DOCK4: variants seen among roughly 807,000 people sequenced by gnomAD.
DOCK4 encodes dedicator of cytokinesis protein 4.
A neutral mutation model predicts 268.1 loss-of-function variants in DOCK4; 97 were observed. That is an observed-to-expected ratio of 0.36 (90% CI 0.31 to 0.43). The LOEUF (loss-of-function observed/expected upper bound fraction) is 0.43. DOCK4 is among the 20% of genes least tolerant of loss of function. The pLI, the probability that DOCK4 is intolerant of heterozygous loss-of-function variation, is 1.00. For synonymous variants in DOCK4, 954 were observed against 887.2 expected (o/e 1.08, Z -1.34); for missense variants, 2,145 against 2,455.7 (o/e 0.87, Z 2.67).
At chr7:112,018,698 C>T (rs1241299972) in intron 1 of DOCK4, among the ~76,000 whole-genome samples, 2 of 150,710 alleles carry the variant, frequency 1.3e-5, no homozygotes, top group East Asian at 1.9e-4. Flanking sequence ...CCCTCCCCCA[C>T]CCCACCCATT....
At chr7:112,081,081 C>T (rs911512323) in intron 1 of DOCK4, among the ~76,000 whole-genome samples, 1 of 151,874 alleles carries the variant, frequency 6.6e-6, no homozygotes, top group Non-Finnish European at 1.5e-5. Context: ...TCTGAGAAGA[C>T]AAGAAGGATG....
chr7:111,806,880 A>G (rs1800714592), intron 30 of DOCK4, among the ~76,000 whole-genome samples: 1 of 152,220 alleles, frequency 6.6e-6, no homozygotes, highest in African/African-American at 2.4e-5. Context: ...CTCTGAGAAA[A>G]ACAGAGAAGC....
intron 1 of DOCK4, among the ~76,000 whole-genome samples, chr7:112,166,727 T>C (rs375117097): frequency 3.1e-4 from 47 of 152,344 alleles, no homozygotes; most frequent in African/African-American, 1.1e-3. Flanking sequence ...TTTTACTTGA[T>C]AATGGTGGCA....
At chr7:112,130,632 G>T (rs1351793323) in intron 1 of DOCK4, among the ~76,000 whole-genome samples, 1 of 152,154 alleles carries the variant, frequency 6.6e-6, no homozygotes, top group Admixed American at 6.5e-5. Context: ...TCAAGAGCAG[G>T]TTGAATCAGA....
chr7:112,089,109 C>G (rs1809386550), intron 1 of DOCK4, among the ~76,000 whole-genome samples: 1 of 151,866 alleles, frequency 6.6e-6, no homozygotes, highest in Admixed American at 6.6e-5. Context: ...ATTAATTTTG[C>G]CTATTTTTCC....
chr7:112,199,109 T>C (rs1322817808), intron 1 of DOCK4, among the ~76,000 whole-genome samples: 1 of 152,166 alleles, frequency 6.6e-6, no homozygotes, highest in East Asian at 1.9e-4. Context: ...AAGAGAACAG[T>C]TTCTATGCAA....
intron 1 of DOCK4, among the ~76,000 whole-genome samples, chr7:112,072,028 T>G (rs1201472218): frequency 1.3e-5 from 2 of 152,228 alleles, no homozygotes; most frequent in Non-Finnish European, 2.9e-5. Flanking sequence ...CAAACCAATG[T>G]GAAAATTATT....
At chr7:111,908,564 G>T (rs1791810795) in intron 13 of DOCK4, among the ~76,000 whole-genome samples, 1 of 151,554 alleles carries the variant, frequency 6.6e-6, no homozygotes, top group Non-Finnish European at 1.5e-5. Flanking sequence ...TAAGTTCTGG[G>T]ATGCATGTAC....
intron 1 of DOCK4, among the ~76,000 whole-genome samples, chr7:112,146,391 A>T (rs1385089776): frequency 6.6e-6 from 1 of 152,182 alleles, no homozygotes; most frequent in East Asian, 1.9e-4. Context: ...TAAATAAAAT[A>T]GAGGAATTTC....
intron 23 of DOCK4, among the ~76,000 whole-genome samples, chr7:111,855,649 A>C (rs1048974977): frequency 6.6e-6 from 1 of 152,174 alleles, no homozygotes; most frequent in Non-Finnish European, 1.5e-5. Flanking sequence ...ACTGAGGCTA[A>C]GCAGGTGGAA....
intron 23 of DOCK4, among the ~76,000 whole-genome samples, chr7:111,850,387 GC>G (rs1804449765): frequency 6.6e-6 from 1 of 151,746 alleles, no homozygotes; most frequent in African/African-American, 2.4e-5. Context: ...ACTTACCCAT[GC>G]TACATTAGAA....
chr7:111,955,811 T>C (rs1180843685), intron 8 of DOCK4, among the ~76,000 whole-genome samples: 1 of 152,240 alleles, frequency 6.6e-6, no homozygotes, highest in African/African-American at 2.4e-5. Context: ...TGATTTTGAC[T>C]GACTGTTGAT....
At chr7:112,048,770 T>C (rs541002467) in intron 1 of DOCK4, among the ~76,000 whole-genome samples, 5 of 151,618 alleles carry the variant, frequency 3.3e-5, no homozygotes, top group South Asian at 2.1e-4. Context: ...AGTAGAAATA[T>C]CTTTCTTTTT....
At chr7:111,729,067 G>T (rs569774482) in intron 52 of DOCK4, among the ~76,000 whole-genome samples, 19 of 152,246 alleles carry the variant, frequency 1.2e-4, no homozygotes, top group Non-Finnish European at 2.2e-4. Flanking sequence ...TGCCAGAATT[G>T]AGAAAATACA....
At chr7:112,107,443 G>A (rs1037320413) in intron 1 of DOCK4, among the ~76,000 whole-genome samples, 4 of 152,212 alleles carry the variant, frequency 2.6e-5, no homozygotes, top group Non-Finnish European at 5.9e-5. Flanking sequence ...AGAGAAAGCA[G>A]CTGTCTGCAA....
intron 1 of DOCK4, among the ~76,000 whole-genome samples, chr7:112,150,430 T>C (rs1285554137): frequency 6.6e-6 from 1 of 152,156 alleles, no homozygotes; most frequent in Non-Finnish European, 1.5e-5. Context: ...ATTCTGTCTA[T>C]GCCCCTCATA....
intron 42 of DOCK4, 48 bp from the exon 43 acceptor site, chr7:111,747,491 G>A (rs1796353084): frequency 6.7e-7 from 1 of 1,503,728 alleles, no homozygotes. Context: ...TGACATTCAA[G>A]AAGAAAGACA....
intron 8 of DOCK4, among the ~76,000 whole-genome samples, chr7:111,956,755 A>T (rs1796483383): frequency 6.6e-6 from 1 of 152,132 alleles, no homozygotes; most frequent in Non-Finnish European, 1.5e-5. Context: ...TTTCCCTTTA[A>T]ATATGAAGTC....
chr7:111,980,433 A>C (rs2135148012), intron 7 of DOCK4, among the ~76,000 whole-genome samples: 1 of 152,354 alleles, frequency 6.6e-6, no homozygotes, highest in East Asian at 1.9e-4. Context: ...AGTTACTCTA[A>C]CTGTGCTTAA....
Sources: gnomAD v4.1 joint callset for allele counts (sites outside exome capture counted in the v4.1 genomes callset) on GRCh38, gnomAD v4.1.1 for gene constraint, MANE v1.5 for transcripts, NCBI Gene and HGNC (gene_info 2026-07-23, HGNC 2026-07-21) for gene names.